Variants in GGA2 observed in about 807,000 individuals in gnomAD.
GGA2 encodes the protein golgi associated, gamma adaptin ear containing, ARF binding protein 2.
GGA2 carries 48 observed loss-of-function variants against 79.5 expected under a neutral mutation model. That is an observed-to-expected ratio of 0.60 (90% confidence interval 0.48 to 0.77). The LOEUF (loss-of-function observed/expected upper bound fraction) is 0.77, where lower values mean the gene tolerates loss of function less well. Ranked by LOEUF, GGA2 falls within the 30% of genes least tolerant of loss-of-function variation. GGA2 has a pLI of 0.00. For synonymous variants in GGA2, 317 were observed against 302.0 expected (o/e 1.05, Z -0.51); for missense variants, 770 against 774.0 (o/e 0.99, Z 0.06).
intron 1 of GGA2, among the ~76,000 whole-genome samples, chr16:23,520,013 G>C (rs545592232): frequency 6.6e-6 from 1 of 152,176 alleles, no homozygotes; most frequent in Non-Finnish European, 1.5e-5. Flanking sequence ...TTGGGAGGCC[G>C]AGGCAGGCGG....
At chr16:23,509,497 G>A (rs1230534856) in intron 1 of GGA2, among the ~76,000 whole-genome samples, 39 of 152,134 alleles carry the variant, frequency 2.6e-4, no homozygotes, top group Admixed American at 2.4e-3. Context: ...ACTAAAAAAT[G>A]TTTTGGTGAG....
intron 8 of GGA2, among the ~76,000 whole-genome samples, chr16:23,484,247 A>C (rs1295770885): frequency 7.1e-6 from 1 of 140,886 alleles, no homozygotes; most frequent in Non-Finnish European, 1.6e-5. Flanking sequence ...GTCTCTACTT[A>C]AAAAAAAAAA....
intron 14 of GGA2, among the ~76,000 whole-genome samples, chr16:23,472,744 A>G (rs1964526932): frequency 6.6e-6 from 1 of 151,386 alleles, no homozygotes; most frequent in Non-Finnish European, 1.5e-5. Flanking sequence ...AAAAAAAAAG[A>G]CTGAATAGGG....
At chr16:23,514,502 C>T (rs553469819), upstream of GGA2, among the ~76,000 whole-genome samples, 3 of 151,890 alleles carry the variant, frequency 2.0e-5, no homozygotes, top group Admixed American at 2.0e-4. Context: ...GGCTGGAGTT[C>T]CGTGGCACCA....
intron 5 of GGA2, among the ~76,000 whole-genome samples, chr16:23,489,025 A>G (rs1964750087): frequency 6.6e-6 from 1 of 152,180 alleles, no homozygotes; most frequent in Non-Finnish European, 1.5e-5. Context: ...CCAGGGATCA[A>G]AAGTTTCTGG....
intron 9 of GGA2, 126 bp downstream of exon 9, chr16:23,482,797 C>A (rs1964663745): frequency 2.9e-6 from 2 of 692,766 alleles, no homozygotes; most frequent in Admixed American, 4.2e-5. Context: ...CCACACCCTC[C>A]CCAAGCCCAA....
chr16:23,514,734 T>TG (rs1389439655), upstream of GGA2, among the ~76,000 whole-genome samples: 1 of 152,202 alleles, frequency 6.6e-6, no homozygotes, highest in African/African-American at 2.4e-5. Context: ...CCACCATACC[T>TG]GGTCTTAACC....
At chr16:23,488,735 G>A in intron 5 of GGA2, 26 bp from the exon 6 acceptor site, 1 of 1,264,028 alleles carries the variant, frequency 7.9e-7, no homozygotes, top group East Asian at 2.3e-5. Flanking sequence ...ACAAAGTTAA[G>A]ACACCGATAT....
chr16:23,493,255 G>T, intron 4 of GGA2, 105 bp downstream of exon 4: 2 of 734,686 alleles, frequency 2.7e-6, no homozygotes, highest in East Asian at 2.5e-5. Flanking sequence ...GGCAGGAGCA[G>T]GTTTTGTCCA....
upstream of GGA2, among the ~76,000 whole-genome samples, chr16:23,514,763 G>A (rs1043593862): frequency 6.6e-6 from 1 of 152,136 alleles, no homozygotes; most frequent in African/African-American, 2.4e-5. Flanking sequence ...TGTTATAGGA[G>A]TGTTGGCCAT....
At position 23,465,445 on chromosome 16, in the gene GGA2, G is replaced by C. The variant is rs970866866; in HGVS notation, c.*2145C>G. 4.3e-6 allele frequency: 3 copies of C among 702,416 alleles called. No homozygotes were observed. The highest frequency in any genetic ancestry group is 1.7e-5 in the African/African-American group (1 of 57,224). The allele number at this position is 702,416 out of a possible 1,614,324, so 43.5% of individuals were successfully genotyped here. On this transcript the variant is annotated 3_prime_UTR_variant, in exon 17 of 17. Coordinates refer to ENST00000309859, the MANE Select transcript of GGA2 (RefSeq NM_015044.4). The stretch of plus-strand genomic sequence containing the variant: ...CTATCCTGTCCAACACCTAAGCATA[G>C]TAGTACCACTGGGAGTCTGTCTCCT...
chr16:23,487,679 C>T (rs1339450844), intron 6 of GGA2, among the ~76,000 whole-genome samples: 1 of 152,014 alleles, frequency 6.6e-6, no homozygotes, highest in Admixed American at 6.6e-5. Flanking sequence ...CACACCATAC[C>T]TCCTTCCTAG....
Position 23,465,637 on chromosome 16 carries a change from G to C in GGA2, c.*1953C>G, listed in dbSNP as rs1279986976. 3.7e-6 allele frequency: 2 copies of C among 547,520 alleles called. No homozygotes were observed. Among genetic ancestry groups the C allele is most frequent in the Non-Finnish European group, 6.5e-6 (2 of 307,306 alleles). The allele number at this position is 547,520 out of a possible 1,614,324, so 33.9% of individuals were successfully genotyped here. A position where few individuals can be genotyped will look rare whatever the true frequency, so the allele number is the denominator to read the frequency against. On this transcript the variant is annotated 3_prime_UTR_variant, in exon 17 of 17. Coordinates refer to ENST00000309859, the MANE Select transcript of GGA2 (RefSeq NM_015044.4). ...TCTTCAAGACTACGCAACAGTAACA[G>C]AGCCTATAAAAGCTACACAGAGGCC...
intron 4 of GGA2, among the ~76,000 whole-genome samples, chr16:23,492,720 A>C (rs7202661): frequency 0.86 from 130,299 of 152,174 alleles, 55,974 homozygotes; most frequent in Middle Eastern, 0.91. Flanking sequence ...ATTATGGAAT[A>C]TGGGGCGGTG....
upstream of GGA2, chr16:23,522,014 CAT>C: frequency 2.9e-6 from 1 of 340,896 alleles, no homozygotes; most frequent in Non-Finnish European, 5.8e-6. Flanking sequence ...CTGCTTCTCT[CAT>C]AGTGTTATAA....
At chr16:23,477,433 C>G (rs1054588724) in intron 13 of GGA2, among the ~76,000 whole-genome samples, 1 of 152,176 alleles carries the variant, frequency 6.6e-6, no homozygotes, top group Admixed American at 6.5e-5. Context: ...CTCATTCTCT[C>G]GTCTGCTGCC....
At chr16:23,498,374 CTA>C (rs1237870566) in intron 1 of GGA2, among the ~76,000 whole-genome samples, 1 of 151,840 alleles carries the variant, frequency 6.6e-6, no homozygotes, top group African/African-American at 2.4e-5. Flanking sequence ...CTACAGTGAG[CTA>C]TGATTGTGCA....
chr16:23,521,347 A>G (rs1339423578), intron 1 of GGA2, among the ~76,000 whole-genome samples: 2 of 152,140 alleles, frequency 1.3e-5, no homozygotes, highest in African/African-American at 4.8e-5. Flanking sequence ...GATTATTTTA[A>G]GTAATTCAAA....
chr16:23,467,466 C>T lies in GGA2; in HGVS notation c.*124G>A, dbSNP rs984783575. 3 of 627,004 alleles carry T rather than the reference C, an allele frequency of 4.8e-6. No individual in the cohort carries two copies. The highest frequency in any genetic ancestry group is 8.7e-6 in the Non-Finnish European group (3 of 343,102). The allele number at this position is 627,004 out of a possible 1,614,324, so 38.8% of individuals were successfully genotyped here. On this transcript the variant is annotated 3_prime_UTR_variant, in exon 17 of 17. Transcript: ENST00000309859. ...CTGCAGAATAAGTCAGAGGTTGACA[C>T]CCAGAGCCTGACGTCAGGATAGGAC...
Sources: allele counts gnomAD v4.1 joint callset (sites outside exome capture counted in the v4.1 genomes callset), GRCh38; gene constraint gnomAD v4.1.1; transcripts MANE v1.5; gene names NCBI Gene and HGNC (gene_info 2026-07-23, HGNC 2026-07-21).